The following MTOR variants were observed in gnomAD, a reference collection of about 807,000 sequenced individuals.
The protein encoded by MTOR is serine/threonine-protein kinase mTOR.
A neutral mutation model predicts 319.8 loss-of-function variants in MTOR; 70 were observed. That is an observed-to-expected ratio of 0.22 (90% CI 0.18 to 0.27). The LOEUF (loss-of-function observed/expected upper bound fraction) is 0.27. Among genes scored for constraint, MTOR ranks in the 10% least tolerant of loss-of-function variants. MTOR has a pLI of 1.00. For synonymous variants in MTOR, 1,183 were observed against 1,211.4 expected (o/e 0.98, Z 0.49); for missense variants, 1,890 against 3,274.4 (o/e 0.58, Z 10.32).
chr1:11,213,527 T>C lies in MTOR; in HGVS notation c.3157A>G (p.Ile1053Val), dbSNP rs1359373003. The C allele has an allele frequency of 1.2e-6, 2 of 1,614,132 alleles. No individual in the cohort carries two copies. Among genetic ancestry groups the C allele is most frequent in the East Asian group, 4.5e-5 (2 of 44,884 alleles). ...ACCACAATTTGCTCAATGAGAAGAA[T>C]GATCGTGCTCTGAATTGAGGTGTTC... ...VMNTSIQSTI[I>V]LLIEQIVVAL... Residue 1053 changes from isoleucine (I) to valine (V), a missense_variant, in exon 21 of 58, where the codon ATT becomes GTT. By Grantham distance (29) the Ile-to-Val change is conservative. Transcript: ENST00000361445.
chr1:11,189,737 A>G, intron 28 of MTOR: 4 of 1,614,172 alleles, frequency 2.5e-6, no homozygotes, highest in Non-Finnish European at 3.4e-6. Flanking sequence ...AAGGAGCTCA[A>G]GGCCCAAGTT....
At position 11,228,710 on chromosome 1, in the gene MTOR, C is replaced by T. The variant is rs200775211; in HGVS notation, c.2988G>A (p.Thr996=). ...CACAGACTCGAATGACGTTAAGGAA[C>T]GTGGGCATGACCTGGGGCAGGAACT... ...CVQFLPQVMP[T]FLNVIRVCDG... The change falls in exon 19 of 58, where the codon ACG becomes ACA. Residue 996 remains threonine, a synonymous_variant. Transcript: ENST00000361445. The T allele has an allele frequency of 4.7e-5, 76 of 1,613,984 alleles. No individual in the cohort carries two copies. The highest frequency in any genetic ancestry group is 3.6e-4 in the East Asian group (16 of 44,898).
intron 25 of MTOR, among the ~76,000 whole-genome samples, chr1:11,207,688 T>C (rs12563051): frequency 6.6e-6 from 1 of 150,864 alleles, no homozygotes; most frequent in African/African-American, 2.4e-5. Context: ...ATACAGATGG[T>C]GTTTTACTAT....
intron 19 of MTOR, among the ~76,000 whole-genome samples, chr1:11,218,323 G>A (rs1646545368): frequency 6.6e-6 from 1 of 151,938 alleles, no homozygotes; most frequent in Non-Finnish European, 1.5e-5. Context: ...CCAGCTACTC[G>A]GGAGGCTGAG....
intron 6 of MTOR, among the ~76,000 whole-genome samples, chr1:11,252,155 C>T (rs1186574701): frequency 3.9e-5 from 6 of 152,160 alleles, no homozygotes; most frequent in African/African-American, 1.4e-4. Flanking sequence ...TAGCTTCCCA[C>T]ATACTTTAAA....
rs1043976764 is a variant in MTOR, at chr1:11,129,083, C to T, written c.5715-132G>A. 8.6e-6 allele frequency: 6 copies of T among 701,600 alleles called. No homozygotes were observed. Among genetic ancestry groups the T allele is most frequent in the African/African-American group, 5.3e-5 (3 of 56,644 alleles). 43.5% of individuals were successfully genotyped at this position (701,600 alleles called of 1,614,324 possible). A position where few individuals can be genotyped will look rare whatever the true frequency, so the allele number is the denominator to read the frequency against. Reference sequence around the variant, plus strand: ...AGTAACTCTCAAATGTGTTTGGCCTCCCATGGGAGCAGGTGTCTGTGATGG... The same window carrying T: ...AGTAACTCTCAAATGTGTTTGGCCTTCCATGGGAGCAGGTGTCTGTGATGG... On this transcript the variant is annotated intron_variant, in intron 40 of 57. Transcript: ENST00000361445. This position sits in a 1 kb window ranked among gnomAD's most constrained non-coding sequence, Gnocchi z 4.7.
At chr1:11,118,228 A>ATTTTTTTTTTTTTTTTTTTTTTTTTTTT (rs771785403) in intron 49 of MTOR, among the ~76,000 whole-genome samples, 2 of 120,766 alleles carry the variant, frequency 1.7e-5, no homozygotes, top group African/African-American at 8.0e-5. Flanking sequence ...AACTTAGTTA[A>ATTTTTTTTTTTTTTTTTTTTTTTTTTTT]TTTTTTTTTT....
chr1:11,161,213 G>C (rs1279017278), intron 29 of MTOR, among the ~76,000 whole-genome samples: 1 of 152,190 alleles, frequency 6.6e-6, no homozygotes, highest in Non-Finnish European at 1.5e-5. Flanking sequence ...AGATCAAACT[G>C]CAAGTAGGCA....
chr1:11,142,423 G>A, intron 34 of MTOR, among the ~76,000 whole-genome samples: 1 of 152,070 alleles, frequency 6.6e-6, no homozygotes, highest in East Asian at 1.9e-4. Context: ...CAAGGAGCTG[G>A]GATTACAGGT....
intron 24 of MTOR, among the ~76,000 whole-genome samples, chr1:11,209,990 C>T (rs1210313091): frequency 6.6e-6 from 1 of 152,058 alleles, no homozygotes; most frequent in African/African-American, 2.4e-5. Context: ...GCCTGAGCCT[C>T]CTGAATAGTT....
At chr1:11,249,222 T>C (rs1010794444) in intron 6 of MTOR, among the ~76,000 whole-genome samples, 2 of 152,008 alleles carry the variant, frequency 1.3e-5, no homozygotes, top group African/African-American at 4.8e-5. Context: ...AAGCCTTGGT[T>C]TTGGGGGCCA....
At chr1:11,238,322 G>T in intron 12 of MTOR, 80 bp downstream of exon 12, 1 of 1,407,620 alleles carries the variant, frequency 7.1e-7, no homozygotes, top group Non-Finnish European at 1.0e-6. Flanking sequence ...CTCTAGAGAG[G>T]CCATGTAATG....
At chr1:11,255,865 ATTCATTTG>A in intron 5 of MTOR, 119 bp downstream of exon 5, 1 of 911,370 alleles carries the variant, frequency 1.1e-6, no homozygotes, top group South Asian at 2.0e-5. Context: ...AAAAAAAAAA[ATTCATTTG>A]AGAGCAAACC....
At chr1:11,184,230 C>CA (rs1645242933) in intron 28 of MTOR, among the ~76,000 whole-genome samples, 1 of 152,124 alleles carries the variant, frequency 6.6e-6, no homozygotes, top group Non-Finnish European at 1.5e-5. Context: ...TTGGCAAACT[C>CA]AGAGAAGTAA....
intron 28 of MTOR, among the ~76,000 whole-genome samples, chr1:11,184,930 C>T (rs1645267046): frequency 6.6e-6 from 1 of 152,186 alleles, no homozygotes; most frequent in African/African-American, 2.4e-5. Flanking sequence ...CTTCTGCTGC[C>T]ATTCTTCTTC....
rs1476715676 is a variant in MTOR at position 11,212,247 on chromosome 1, CACAG to C, written c.3561+61_3561+64del. 3 of 1,534,444 alleles carry C rather than the reference CACAG, an allele frequency of 2.0e-6. No individual in the cohort carries two copies. Among genetic ancestry groups the C allele is most frequent in the African/African-American group, 1.4e-5 (1 of 72,398 alleles). The stretch of plus-strand genomic sequence containing the variant: ...GGCATCAGACAAAGTCTGAGTGGCT[CACAG>C]ACAAAGTCTTCTTTCCAAATAAGGC... On this transcript the variant is annotated intron_variant, in intron 23 of 57. Coordinates refer to ENST00000361445, the MANE Select transcript of MTOR (RefSeq NM_004958.4). This position sits in a 1 kb window ranked among gnomAD's most constrained non-coding sequence, Gnocchi z 4.1.
At position 11,203,483 on chromosome 1, in the gene MTOR, T is replaced by C. The variant is rs112447415; in HGVS notation, c.3944+1078A>G. On this transcript the variant is annotated intron_variant, in intron 26 of 57. Transcript: ENST00000361445. ...TGAGGCCAGGAGTTGAAGACCAGCC[T>C]GGCCAACATGGCGAAACCCCGTCTT... 2.1e-3 allele frequency among the ~76,000 whole-genome samples: 324 copies of C among 152,228 alleles called. 3 individuals are homozygous for C. Among genetic ancestry groups the C allele is most frequent in the African/African-American group, 7.0e-3 (291 of 41,544 alleles).
At chr1:11,189,980 A>G (rs1325161510) in intron 28 of MTOR, 1 of 1,578,640 alleles carries the variant, frequency 6.3e-7, no homozygotes, top group African/African-American at 1.3e-5. Context: ...CCCCTGAGGG[A>G]GCGTGGAGTG....
Position 11,243,178 on chromosome 1 carries a change from C to T in MTOR, c.1348G>A (p.Val450Ile), listed in dbSNP as rs141877007. 6.8e-5 allele frequency: 109 copies of T among 1,614,000 alleles called. No homozygotes were observed. Among genetic ancestry groups the T allele is most frequent in the Non-Finnish European group, 8.7e-5 (103 of 1,180,036 alleles). ...ATGTCCAGCACGCGAGGCAAATAGA[C>T]CTTAAACTCAGACCTCACAGCCACA... Reference protein sequence around the residue: ...LSVAVRSEFKVYLPRVLDIIR... With the variant: ...LSVAVRSEFKIYLPRVLDIIR... The change falls in exon 9 of 58, where the codon GTC becomes ATC. Residue 450 changes from valine to isoleucine, a missense_variant. This residue lies in a region of MTOR where 418 missense variants were observed against 543.1 expected (regional missense o/e 0.77). Transcript: ENST00000361445.
Sources: gnomAD v4.1 joint callset for allele counts (sites outside exome capture counted in the v4.1 genomes callset) on GRCh38, gnomAD v4.1.1 for gene constraint, gnomAD v4.1.1 regional missense constraint, Gnocchi (gnomAD v3.1) non-coding constraint, MANE v1.5 for transcripts, NCBI Gene and HGNC (gene_info 2026-07-23, HGNC 2026-07-21) for gene names.